The following SRGAP3 variants were observed in gnomAD, a reference collection of about 807,000 sequenced individuals.
The protein encoded by SRGAP3 is SLIT-ROBO Rho GTPase activating protein 3.
In SRGAP3, 39 loss-of-function variants were observed where a neutral mutation model predicts 121.1. The observed-to-expected ratio is 0.32, with a 90% CI of 0.25 to 0.42. The LOEUF is 0.42. SRGAP3 is among the 10% of genes least tolerant of loss of function. The probability of loss-of-function intolerance (pLI) is 1.00; values close to 1 mark genes in which losing one functional copy is unlikely to be tolerated. For missense variants in SRGAP3, 1,213 were observed against 1,470.6 expected (o/e 0.82, Z 2.86); for synonymous variants, 601 against 570.0 (o/e 1.05, Z -0.77).
At chr3:9,328,715 C>T (rs534287137) in intron 2 of SRGAP3, among the ~76,000 whole-genome samples, 23 of 152,302 alleles carry the variant, frequency 1.5e-4, no homozygotes, top group African/African-American at 5.3e-4. Flanking sequence ...AAAGGACTTA[C>T]TTCCCAACCA....
At chr3:9,082,101 G>T (rs1480865099) in intron 3 of SRGAP3, among the ~76,000 whole-genome samples, 2 of 152,134 alleles carry the variant, frequency 1.3e-5, no homozygotes, top group Non-Finnish European at 2.9e-5. Context: ...CATCCCCTTG[G>T]TGTATTCTGA....
intron 1 of SRGAP3, among the ~76,000 whole-genome samples, chr3:9,179,308 A>T (rs1373667852): frequency 6.6e-6 from 1 of 152,252 alleles, no homozygotes; most frequent in African/African-American, 2.4e-5. Flanking sequence ...AGGCTCTGGA[A>T]TCAGGCATAC....
intron 3 of SRGAP3, among the ~76,000 whole-genome samples, chr3:9,311,074 G>C (rs1444981374): frequency 6.6e-6 from 1 of 151,964 alleles, no homozygotes; most frequent in Non-Finnish European, 1.5e-5. Context: ...GAAGGCTGAG[G>C]TGGGAGAATC....
chr3:9,275,727 G>T (rs966029189), intron 3 of SRGAP3, among the ~76,000 whole-genome samples: 1 of 152,140 alleles, frequency 6.6e-6, no homozygotes, highest in Non-Finnish European at 1.5e-5. Context: ...TGTCATGATT[G>T]TGAGGCCTAC....
intron 1 of SRGAP3, among the ~76,000 whole-genome samples, chr3:9,352,268 GAC>G (rs1158368462): frequency 2.2e-4 from 32 of 146,566 alleles, no homozygotes; most frequent in African/African-American, 8.5e-4. Context: ...AGATGTTATG[GAC>G]ATTTTTTTTT....
chr3:9,192,203 G>C (rs963338402), intron 1 of SRGAP3, among the ~76,000 whole-genome samples: 8 of 152,168 alleles, frequency 5.3e-5, no homozygotes, highest in African/African-American at 1.9e-4. Context: ...CCCTTGACCA[G>C]CCCCCGGGAA....
chr3:9,007,631 T>G (rs1037246557), intron 18 of SRGAP3: 1 of 152,206 alleles, frequency 6.6e-6, no homozygotes, highest in Non-Finnish European at 1.5e-5. Flanking sequence ...TCCATTGATG[T>G]TTCTTATCCA....
At chr3:9,138,574 T>A (rs1438580293) in intron 1 of SRGAP3, among the ~76,000 whole-genome samples, 1 of 152,204 alleles carries the variant, frequency 6.6e-6, no homozygotes, top group Non-Finnish European at 1.5e-5. Context: ...GTTCTGTCTC[T>A]GCGGACCACC....
intron 1 of SRGAP3, among the ~76,000 whole-genome samples, chr3:9,171,976 T>C (rs1950992581): frequency 3.3e-5 from 5 of 152,140 alleles, no homozygotes; most frequent in Admixed American, 1.3e-4. Flanking sequence ...TCTCCTGCCG[T>C]ATCTCTGGAT....
intron 3 of SRGAP3, among the ~76,000 whole-genome samples, chr3:9,322,279 G>A (rs960963537): frequency 6.6e-6 from 1 of 151,842 alleles, no homozygotes; most frequent in South Asian, 2.1e-4. Flanking sequence ...CAAGATTTGG[G>A]TACGTGAGAT....
intron 3 of SRGAP3, among the ~76,000 whole-genome samples, chr3:9,313,620 T>A (rs907419431): frequency 6.6e-6 from 1 of 151,602 alleles, no homozygotes; most frequent in African/African-American, 2.4e-5. Flanking sequence ...GAGGTTGCAG[T>A]GAGCCAAGAT....
At chr3:9,114,723 C>A (rs917156545) in intron 2 of SRGAP3, among the ~76,000 whole-genome samples, 7 of 152,216 alleles carry the variant, frequency 4.6e-5, no homozygotes. Flanking sequence ...AGCCCCTTTG[C>A]CTTGGTTTAT....
At chr3:9,129,323 T>A (rs1335236431) in intron 1 of SRGAP3, among the ~76,000 whole-genome samples, 3 of 151,674 alleles carry the variant, frequency 2.0e-5, no homozygotes, top group Admixed American at 1.3e-4. Context: ...CAAAATTATA[T>A]CCTTTGTAAC....
chr3:9,234,884 C>A (rs557871208), intron 1 of SRGAP3, among the ~76,000 whole-genome samples: 3 of 152,172 alleles, frequency 2.0e-5, no homozygotes, highest in Non-Finnish European at 4.4e-5. Flanking sequence ...CCTAGACAAG[C>A]CTCTCCCTTT....
intron 1 of SRGAP3, among the ~76,000 whole-genome samples, chr3:9,350,992 G>A (rs2030106510): frequency 6.6e-6 from 1 of 152,312 alleles, no homozygotes; most frequent in South Asian, 2.1e-4. Flanking sequence ...TAGTCAGATG[G>A]TGGGCTCTGC....
chr3:9,360,552 C>T (rs922678055), intron 1 of SRGAP3, among the ~76,000 whole-genome samples: 9 of 152,214 alleles, frequency 5.9e-5, no homozygotes, highest in South Asian at 2.1e-4. Flanking sequence ...ATACCCAAGA[C>T]TGGGCAATTT....
At chr3:9,051,880 T>C (rs1945596423) in intron 9 of SRGAP3, among the ~76,000 whole-genome samples, 1 of 152,172 alleles carries the variant, frequency 6.6e-6, no homozygotes, top group African/African-American at 2.4e-5. Flanking sequence ...ACCCAGCTAA[T>C]TTTTTGTATT....
chr3:9,115,481 T>C (rs1948772825), intron 2 of SRGAP3, among the ~76,000 whole-genome samples: 2 of 152,212 alleles, frequency 1.3e-5, no homozygotes, highest in African/African-American at 4.8e-5. Flanking sequence ...GTTAATGCTT[T>C]GGTAGTTGCT....
rs766775370 is a variant in SRGAP3 at position 9,239,475 on chromosome 3, T to G, written c.67+9410A>C. ...TGCACCTGGGTTTGTAGCTGAGATT[T>G]GTTCACTCTGAGGCACAAGGGAACA... On this transcript the variant is annotated intron_variant, in intron 1 of 21. Coordinates refer to ENST00000383836, the MANE Select transcript of SRGAP3 (RefSeq NM_014850.4). This position sits in a 1 kb window ranked among gnomAD's most constrained non-coding sequence, Gnocchi z 4.0. Among the ~76,000 whole-genome samples, 1 of 152,172 alleles carries G rather than the reference T, an allele frequency of 6.6e-6. No homozygotes were observed. Among genetic ancestry groups the G allele is most frequent in the Non-Finnish European group, 1.5e-5 (1 of 68,028 alleles).
Sources: allele counts gnomAD v4.1 joint callset (sites outside exome capture counted in the v4.1 genomes callset), GRCh38; gene constraint gnomAD v4.1.1; non-coding constraint Gnocchi (gnomAD v3.1); transcripts MANE v1.5; gene names NCBI Gene and HGNC (gene_info 2026-07-23, HGNC 2026-07-21).